CAMTA1: variants seen among roughly 807,000 people sequenced by gnomAD.
CAMTA1 encodes the protein calmodulin binding transcription activator 1.
Under a neutral mutation model 170.9 loss-of-function variants are expected in CAMTA1, and 27 were observed. That is an observed-to-expected ratio of 0.16 (90% CI 0.12 to 0.22). The LOEUF (loss-of-function observed/expected upper bound fraction) is 0.22, where lower values mean the gene tolerates loss of function less well. Among genes scored for constraint, CAMTA1 ranks in the 10% least tolerant of loss-of-function variants. The pLI, the probability that CAMTA1 is intolerant of heterozygous loss-of-function variation, is 1.00. For missense variants in CAMTA1, 1,619 were observed against 2,217.2 expected (o/e 0.73, Z 5.42); for synonymous variants, 833 against 891.5 (o/e 0.93, Z 1.17).
At chr1:7,660,097 A>G (rs75188731) in intron 7 of CAMTA1, among the ~76,000 whole-genome samples, 2,723 of 152,332 alleles carry the variant, frequency 0.018, 73 homozygotes, top group African/African-American at 0.062. Context: ...GTTTTGAGAC[A>G]GAGTTTTGCT....
chr1:7,383,604 A>T (rs552656152), intron 5 of CAMTA1, among the ~76,000 whole-genome samples: 5 of 152,196 alleles, frequency 3.3e-5, no homozygotes, highest in African/African-American at 1.2e-4. Context: ...TAGGGCACAG[A>T]GTGAGCTCCA....
chr1:6,897,382 C>T (rs1382747413), intron 3 of CAMTA1, among the ~76,000 whole-genome samples: 1 of 139,996 alleles, frequency 7.1e-6, no homozygotes, highest in Non-Finnish European at 1.6e-5. Context: ...CAGTGTGGGG[C>T]GGGGAGTAGT....
At chr1:7,564,637 CGT>C (rs150138917) in intron 6 of CAMTA1, among the ~76,000 whole-genome samples, 3 of 151,140 alleles carry the variant, frequency 2.0e-5, no homozygotes, top group Admixed American at 6.6e-5. Flanking sequence ...CGTTTGCAGG[CGT>C]GTGTGTGTGT....
At chr1:7,372,294 G>A (rs999904903) in intron 5 of CAMTA1, among the ~76,000 whole-genome samples, 8 of 152,214 alleles carry the variant, frequency 5.3e-5, no homozygotes, top group African/African-American at 1.9e-4. Context: ...GGACAGCACA[G>A]ACCTGCTTGA....
At chr1:7,520,198 C>T (rs190670453) in intron 6 of CAMTA1, among the ~76,000 whole-genome samples, 113 of 39,634 alleles carry the variant, frequency 2.9e-3, no homozygotes, top group Non-Finnish European at 5.2e-3. Context: ...GCTGGACTGC[C>T]GACCTCCTCC....
At chr1:7,489,665 A>G (rs1373162790) in intron 6 of CAMTA1, among the ~76,000 whole-genome samples, 7 of 152,134 alleles carry the variant, frequency 4.6e-5, no homozygotes, top group African/African-American at 1.7e-4. Context: ...GAATTTATCC[A>G]TTTGGTAAAT....
chr1:6,903,307 C>G (rs1219885355), intron 3 of CAMTA1, among the ~76,000 whole-genome samples: 1 of 152,106 alleles, frequency 6.6e-6, no homozygotes, highest in Non-Finnish European at 1.5e-5. Context: ...TAGGCTCACT[C>G]CCATTTTGGG....
At chr1:7,132,041 A>G (rs1645288835) in intron 4 of CAMTA1, among the ~76,000 whole-genome samples, 1 of 123,998 alleles carries the variant, frequency 8.1e-6, no homozygotes, top group Non-Finnish European at 1.7e-5. Flanking sequence ...TGACAGAGTG[A>G]CTCTGTTACA....
At chr1:6,933,419 C>G (rs1290686749) in intron 3 of CAMTA1, among the ~76,000 whole-genome samples, 1 of 152,150 alleles carries the variant, frequency 6.6e-6, no homozygotes, top group East Asian at 1.9e-4. Flanking sequence ...GCCACCAACC[C>G]TGGCTAATTT....
rs991084181 is a variant in CAMTA1, at chr1:7,063,509, T to A, written c.235-27795T>A. On this transcript the variant is annotated intron_variant, in intron 3 of 22. Coordinates refer to ENST00000303635, the MANE Select transcript of CAMTA1 (RefSeq NM_015215.4). The surrounding 1 kb of genome is among the most constrained non-coding windows in gnomAD (Gnocchi z 4.3). ...AGATTGGAGGCAGGGGCAGACTACC[T>A]TCTAGACAGAACTTTCCAACTCTTG... is the stretch of plus-strand genomic sequence containing the variant. 6.6e-6 allele frequency among the ~76,000 whole-genome samples: 1 copy of A among 152,214 alleles called. No homozygotes were observed. The highest frequency in any genetic ancestry group is 2.4e-5 in the African/African-American group (1 of 41,452).
chr1:6,807,136 G>C, intron 1 of CAMTA1: 1 of 504,860 alleles, frequency 2.0e-6, no homozygotes, highest in Non-Finnish European at 3.6e-6. Flanking sequence ...GCAAGGTTGG[G>C]GGAGGCTTCT....
chr1:7,711,280 C>T (rs2096568764), intron 11 of CAMTA1, among the ~76,000 whole-genome samples: 1 of 152,152 alleles, frequency 6.6e-6, no homozygotes, highest in African/African-American at 2.4e-5. Flanking sequence ...GACCTAATCA[C>T]CTTCCAGAGG....
At chr1:7,158,854 A>C (rs1647040955) in intron 4 of CAMTA1, among the ~76,000 whole-genome samples, 2 of 151,952 alleles carry the variant, frequency 1.3e-5, no homozygotes, top group Non-Finnish European at 2.9e-5. Flanking sequence ...TGGGAATTTT[A>C]TGCACAAAGA....
chr1:7,399,120 G>A (rs1354918731), intron 5 of CAMTA1, among the ~76,000 whole-genome samples: 2 of 152,124 alleles, frequency 1.3e-5, no homozygotes, highest in Admixed American at 1.3e-4. Flanking sequence ...GGACCTAATG[G>A]GAGGTGTTTG....
Position 7,692,794 on chromosome 1 carries a change from A to C in CAMTA1, c.2914+15061A>C, listed in dbSNP as rs55911770. On this transcript the variant is annotated intron_variant, in intron 11 of 22. Transcript: ENST00000303635. ...TTGATAGGTGGCAGCCCGTCCACCC[A>C]CCTGTCATTCAGCAGTACCTGCTAG... Among the ~76,000 whole-genome samples, 1,354 of 152,194 alleles carry C rather than the reference A, an allele frequency of 8.9e-3. 13 individuals are homozygous for C. The highest frequency in any genetic ancestry group is 0.031 in the African/African-American group (1,287 of 41,512).
intron 5 of CAMTA1, among the ~76,000 whole-genome samples, chr1:7,372,207 C>T (rs562024034): frequency 2.6e-5 from 4 of 152,272 alleles, no homozygotes; most frequent in African/African-American, 7.2e-5. Context: ...CTCCAGCCAC[C>T]GCCAGAGCCC....
At chr1:6,851,190 G>A (rs536073448) in intron 3 of CAMTA1, among the ~76,000 whole-genome samples, 12 of 152,214 alleles carry the variant, frequency 7.9e-5, no homozygotes, top group South Asian at 2.1e-4. Flanking sequence ...GTATGTTTAC[G>A]GAGTTAAAAG....
intron 4 of CAMTA1, among the ~76,000 whole-genome samples, chr1:7,192,826 C>A (rs1028874576): frequency 6.6e-6 from 1 of 152,124 alleles, no homozygotes; most frequent in African/African-American, 2.4e-5. Context: ...GTGAATGCAG[C>A]GTCACCGGAA....
At chr1:7,411,007 CTG>C (rs139916105) in intron 5 of CAMTA1, among the ~76,000 whole-genome samples, 153 of 151,126 alleles carry the variant, frequency 1.0e-3, no homozygotes, top group African/African-American at 3.4e-3. Context: ...GTGTGTATGT[CTG>C]TGTGTGTGTG....
Sources: gnomAD v4.1 joint callset for allele counts (sites outside exome capture counted in the v4.1 genomes callset) on GRCh38, gnomAD v4.1.1 for gene constraint, Gnocchi (gnomAD v3.1) non-coding constraint, MANE v1.5 for transcripts, NCBI Gene and HGNC (gene_info 2026-07-23, HGNC 2026-07-21) for gene names.